The following SIGLEC6 variants were observed in gnomAD, a reference collection of about 807,000 sequenced individuals.
The protein encoded by SIGLEC6 is sialic acid binding Ig like lectin 6.
A neutral mutation model predicts 41.4 loss-of-function variants in SIGLEC6; 31 were observed. The observed-to-expected ratio is 0.75, with a 90% CI of 0.56 to 1.01. The LOEUF (loss-of-function observed/expected upper bound fraction) is 1.01, where lower values mean the gene tolerates loss of function less well. Ranked by LOEUF, SIGLEC6 falls within the 50% of genes least tolerant of loss-of-function variation. The pLI is 0.00. For missense variants in SIGLEC6, 555 were observed against 558.6 expected (o/e 0.99, Z 0.06); for synonymous variants, 217 against 231.0 (o/e 0.94, Z 0.55).
At chr19:51,528,387 A>C (rs1600029197) in intron 5 of SIGLEC6, 134 bp from the exon 6 acceptor site, 2 of 715,774 alleles carry the variant, frequency 2.8e-6, no homozygotes. Context: ...TGCCCTGTGA[A>C]CCCGGAACCA....
In SIGLEC6 at chr19:51,530,624, G is replaced by T. The variant is rs1980108650; in HGVS notation, c.706+57C>A. On this transcript the variant is annotated intron_variant, in intron 3 of 7. Coordinates refer to ENST00000425629, the MANE Select transcript of SIGLEC6 (RefSeq NM_001245.7). Reference sequence around the variant, plus strand: ...GTCCCCAACTTTAAGCTCTGGCTCAGCCCTGCCCTGTCCCCCCACACCCTC... The same window carrying T: ...GTCCCCAACTTTAAGCTCTGGCTCATCCCTGCCCTGTCCCCCCACACCCTC... 6.2e-6 allele frequency: 10 copies of T among 1,610,202 alleles called. No individual in the cohort carries two copies. In the South Asian group the frequency reaches 1.1e-4, roughly 18 times the overall value.
Position 51,530,860 on chromosome 19 carries a change from G to C in SIGLEC6, c.527C>G (p.Thr176Arg). Reference protein sequence around the residue: ...CSVPWVCEQGTPPIFSWMSAA... With the variant: ...CSVPWVCEQGRPPIFSWMSAA... The stretch of plus-strand genomic sequence containing the variant: ...TGACATCCAGGAGAAGATGGGGGGC[G>C]TCCCCTGCTCACAGACCCAGGGCAC... The change falls in exon 3 of 8, where the codon ACG (threonine) becomes AGG (arginine). Residue 176 changes from threonine (T) to arginine (R), a missense_variant. By Grantham distance (71) the Thr-to-Arg change is moderately conservative. Transcript: ENST00000425629. The C allele has an allele frequency of 6.2e-7, 1 of 1,613,880 alleles. No homozygotes were observed. Among genetic ancestry groups the C allele is most frequent in the East Asian group, 2.2e-5 (1 of 44,874 alleles).
At chr19:51,530,982 G>A in intron 2 of SIGLEC6, 23 bp from the exon 3 acceptor site, 1 of 1,605,290 alleles carries the variant, frequency 6.2e-7, no homozygotes, top group Non-Finnish European at 8.5e-7. Context: ...TGGGGACGCA[G>A]GATCAGGATG....
chr19:51,526,282 A>T (rs1979217356), intron 7 of SIGLEC6, among the ~76,000 whole-genome samples: 2 of 152,280 alleles, frequency 1.3e-5, no homozygotes, highest in South Asian at 4.1e-4. Flanking sequence ...CTTGAGTGAG[A>T]GAGGAGCCCA....
chr19:51,521,120 C>T (rs559414686), intron 7 of SIGLEC6, among the ~76,000 whole-genome samples: 29 of 152,248 alleles, frequency 1.9e-4, no homozygotes, highest in Non-Finnish European at 2.4e-4. Context: ...GAACAGAGAC[C>T]GGGTCCTGCA....
chr19:51,528,455 C>A, intron 5 of SIGLEC6: 3 of 588,836 alleles, frequency 5.1e-6, no homozygotes, highest in African/African-American at 3.7e-5. Flanking sequence ...GGACGTTGTG[C>A]CCCCAGCCAC....
chr19:51,523,571 T>C lies in SIGLEC6; in HGVS notation c.1189-3316A>G, dbSNP rs544907981. Among the ~76,000 whole-genome samples the C allele has an allele frequency of 2.4e-4, 36 of 152,272 alleles. 1 individual carries two copies. In the East Asian group the frequency reaches 7.0e-3, roughly 29 times the overall value. ...AGAAATGTGCCCTAGGGAAGCCAGA[T>C]GATTGGACAACCCTGCTAGAGGATA... is the stretch of plus-strand genomic sequence containing the variant. On this transcript the variant is annotated intron_variant, in intron 7 of 7. Coordinates refer to ENST00000425629, the MANE Select transcript of SIGLEC6 (RefSeq NM_001245.7).
chr19:51,521,456 G>A (rs568977099), intron 7 of SIGLEC6, among the ~76,000 whole-genome samples: 1 of 152,232 alleles, frequency 6.6e-6, no homozygotes, highest in East Asian at 1.9e-4. Flanking sequence ...TTCCACTCAT[G>A]TCTTTCCTCC....
At chr19:51,525,769 G>T (rs1031108346) in intron 7 of SIGLEC6, among the ~76,000 whole-genome samples, 4 of 152,030 alleles carry the variant, frequency 2.6e-5, no homozygotes, top group Admixed American at 2.0e-4. Flanking sequence ...CCCTGGCTGG[G>T]GCCTGCAGCA....
chr19:51,526,046 G>C (rs1470878160), intron 7 of SIGLEC6, among the ~76,000 whole-genome samples: 1 of 152,142 alleles, frequency 6.6e-6, no homozygotes, highest in Non-Finnish European at 1.5e-5. Flanking sequence ...CCCCCTGCTT[G>C]GGCCCACAGC....
In SIGLEC6 at chr19:51,525,496, G is replaced by A. The variant is rs990663289; in HGVS notation, c.1188+2251C>T. On this transcript the variant is annotated intron_variant, in intron 7 of 7. Coordinates refer to ENST00000425629, the MANE Select transcript of SIGLEC6 (RefSeq NM_001245.7). ...CTGACTGAGAAGGACATCCTGACCC[G>A]GGCCCCCAGCACAGCTGCCCTGCCC... Among the ~76,000 whole-genome samples the A allele has an allele frequency of 9.9e-5, 15 of 152,122 alleles. 1 individual carries two copies. The highest frequency in any genetic ancestry group is 1.9e-4 in the East Asian group (1 of 5,192).
chr19:51,522,749 C>T (rs1489357997), intron 7 of SIGLEC6, among the ~76,000 whole-genome samples: 1 of 152,144 alleles, frequency 6.6e-6, no homozygotes, highest in Non-Finnish European at 1.5e-5. Flanking sequence ...TGAGAACATG[C>T]CATTGCACTC....
At chr19:51,529,661 T>G in intron 5 of SIGLEC6, 63 bp downstream of exon 5, 16 of 1,603,276 alleles carry the variant, frequency 1.0e-5, no homozygotes, top group Non-Finnish European at 1.3e-5. Context: ...GGGCCTCTTC[T>G]CTGAATACTA....
intron 7 of SIGLEC6, among the ~76,000 whole-genome samples, chr19:51,526,494 C>T (rs1354922911): frequency 3.3e-5 from 5 of 152,182 alleles, no homozygotes; most frequent in African/African-American, 4.8e-5. Context: ...AAATAAAGAT[C>T]GTGCACAAAG....
At chr19:51,530,990 A>G in intron 2 of SIGLEC6, 31 bp from the exon 3 acceptor site, 1 of 1,601,044 alleles carries the variant, frequency 6.2e-7, no homozygotes, top group Non-Finnish European at 8.5e-7. Context: ...CAGGATCAGG[A>G]TGGAGGTCTG....
At chr19:51,530,645 C>A in intron 3 of SIGLEC6, 36 bp downstream of exon 3, 3 of 1,611,088 alleles carry the variant, frequency 1.9e-6, no homozygotes, top group Non-Finnish European at 2.5e-6. Context: ...TCCCCCCACA[C>A]CCTCAGGGAC....
In SIGLEC6 at chr19:51,529,704, G is replaced by T. The variant is rs764779406; in HGVS notation, c.1012+20C>A. On this transcript the variant is annotated intron_variant, in intron 5 of 7. Coordinates refer to ENST00000425629, the MANE Select transcript of SIGLEC6 (RefSeq NM_001245.7). ...CTCGCCCAGCTGCCCACACTCTCGCGCACCTCCCCCCACACTCACAATGCA... is the reference window on the plus strand; with the variant it reads ...CTCGCCCAGCTGCCCACACTCTCGCTCACCTCCCCCCACACTCACAATGCA... The T allele has an allele frequency of 6.2e-7, 1 of 1,613,414 alleles. No individual in the cohort carries two copies. The highest frequency in any genetic ancestry group is 1.1e-5 in the South Asian group (1 of 91,038).
intron 7 of SIGLEC6, among the ~76,000 whole-genome samples, chr19:51,525,329 C>T (rs147696569): frequency 3.9e-4 from 59 of 152,168 alleles, no homozygotes; most frequent in Middle Eastern, 6.8e-3. Flanking sequence ...TTTTTTCTGC[C>T]GCCACAGCTC....
chr19:51,523,578 A>T (rs1016525604), intron 7 of SIGLEC6, among the ~76,000 whole-genome samples: 1 of 152,186 alleles, frequency 6.6e-6, no homozygotes, highest in African/African-American at 2.4e-5. Flanking sequence ...AGATGATTGG[A>T]CAACCCTGCT....
Sources: gnomAD v4.1 joint callset for allele counts (sites outside exome capture counted in the v4.1 genomes callset) on GRCh38, gnomAD v4.1.1 for gene constraint, MANE v1.5 for transcripts, NCBI Gene and HGNC (gene_info 2026-07-23, HGNC 2026-07-21) for gene names.